KCTD16: variants seen among roughly 807,000 people sequenced by gnomAD.
The protein encoded by KCTD16 is BTB/POZ domain-containing protein KCTD16.
In KCTD16, 13 loss-of-function variants were observed where a neutral mutation model predicts 33.2. The observed-to-expected ratio is 0.39, with a 90% confidence interval of 0.25 to 0.62. The LOEUF (loss-of-function observed/expected upper bound fraction) is 0.62, where lower values mean the gene tolerates loss of function less well. Ranked by LOEUF, KCTD16 falls within the 20% of genes least tolerant of loss-of-function variation. The pLI, the probability that KCTD16 is intolerant of heterozygous loss-of-function variation, is 0.50. For synonymous variants in KCTD16, 197 were observed against 195.3 expected, an observed-to-expected ratio of 1.01 and a Z score of -0.07; for missense variants, 441 against 525.1, an observed-to-expected ratio of 0.84 and a Z score of 1.57.
At chr5:144,364,360 A>G (rs1170017730) in intron 3 of KCTD16, among the ~76,000 whole-genome samples, 1 of 152,198 alleles carries the variant, frequency 6.6e-6, no homozygotes, top group African/African-American at 2.4e-5. Context: ...TTTTCTCTCT[A>G]CCTCAGTGAG....
intron 3 of KCTD16, among the ~76,000 whole-genome samples, chr5:144,344,443 G>A (rs1034861318): frequency 8.1e-5 from 12 of 148,632 alleles, no homozygotes; most frequent in East Asian, 3.9e-4. Context: ...GAAAATTTTC[G>A]CAACCTACTC....
At chr5:144,319,149 T>C (rs1752006742) in intron 3 of KCTD16, among the ~76,000 whole-genome samples, 1 of 152,058 alleles carries the variant, frequency 6.6e-6, no homozygotes, top group Admixed American at 6.6e-5. Context: ...AACTAAATTT[T>C]GTTATATGGT....
chr5:144,306,042 A>G lies in KCTD16; in HGVS notation c.832+98496A>G, dbSNP rs565456672. ...GATGGTCAGTGTAGCTCTTGGAGCA[A>G]TGAGGTTTGTTGTGAGCCAACCAGA... On this transcript the variant is annotated intron_variant, in intron 3 of 3. Transcript: ENST00000512467. 2.6e-5 allele frequency among the ~76,000 whole-genome samples: 4 copies of G among 152,136 alleles called. No homozygotes were observed. In the East Asian group the frequency reaches 5.8e-4, roughly 22 times the overall value.
At chr5:144,397,904 CATG>C (rs1351862584) in intron 3 of KCTD16, among the ~76,000 whole-genome samples, 5 of 152,156 alleles carry the variant, frequency 3.3e-5, no homozygotes, top group Non-Finnish European at 1.5e-5. Flanking sequence ...GTGAGAAGAA[CATG>C]TCTCAGATTC....
chr5:144,439,007 G>A (rs965371578), intron 3 of KCTD16, among the ~76,000 whole-genome samples: 1 of 151,328 alleles, frequency 6.6e-6, no homozygotes, highest in Admixed American at 6.6e-5. Flanking sequence ...TCTTGCACAT[G>A]TTCCTTCCTC....
At chr5:144,278,643 G>T (rs551381338) in intron 3 of KCTD16, among the ~76,000 whole-genome samples, 55 of 151,458 alleles carry the variant, frequency 3.6e-4, no homozygotes, top group African/African-American at 1.1e-3. Context: ...GACTACAGGC[G>T]CCCGCCACCG....
At chr5:144,449,102 T>C (rs547850086) in intron 3 of KCTD16, among the ~76,000 whole-genome samples, 5 of 152,064 alleles carry the variant, frequency 3.3e-5, no homozygotes, top group Non-Finnish European at 7.4e-5. Context: ...AATATCTATA[T>C]GTACATATAA....
At chr5:144,337,365 CA>C (rs1286789204) in intron 3 of KCTD16, among the ~76,000 whole-genome samples, 1 of 152,018 alleles carries the variant, frequency 6.6e-6, no homozygotes. Flanking sequence ...GTGAACGTGC[CA>C]ATTTCACAAG....
At chr5:144,428,986 TTG>T (rs1454607046) in intron 3 of KCTD16, among the ~76,000 whole-genome samples, 1 of 152,156 alleles carries the variant, frequency 6.6e-6, no homozygotes, top group Non-Finnish European at 1.5e-5. Flanking sequence ...CTTTTCAAGA[TTG>T]TGTGTTCTGC....
At chr5:144,223,044 A>C (rs1753810726) in intron 3 of KCTD16, among the ~76,000 whole-genome samples, 2 of 152,070 alleles carry the variant, frequency 1.3e-5, no homozygotes, top group Admixed American at 1.3e-4. Context: ...TCGCAAGGAC[A>C]AAAAAACCAA....
At chr5:144,248,362 T>C (rs1483808129) in intron 3 of KCTD16, among the ~76,000 whole-genome samples, 1 of 152,180 alleles carries the variant, frequency 6.6e-6, no homozygotes, top group East Asian at 1.9e-4. Flanking sequence ...CTCATGGGCA[T>C]GAGTGTTCAA....
intron 2 of KCTD16, among the ~76,000 whole-genome samples, chr5:144,189,940 C>A (rs1752808470): frequency 1.3e-5 from 2 of 152,134 alleles, no homozygotes; most frequent in Non-Finnish European, 2.9e-5. Flanking sequence ...GGCTGACAAC[C>A]CACAACCTGT....
chr5:144,313,662 CA>C lies in KCTD16; in HGVS notation c.832+106117del, dbSNP rs1472827572. On this transcript the variant is annotated intron_variant, in intron 3 of 3. Transcript: ENST00000512467. ...GTACTACTCTCCTCTGCTTATAAAC[CA>C]TGGGGTGATGTTTGCCTTCTTTACA... Among the ~76,000 whole-genome samples, 5 of 152,140 alleles carry C rather than the reference CA, an allele frequency of 3.3e-5. No homozygotes were observed. In the East Asian group the frequency reaches 9.6e-4, roughly 29 times the overall value.
intron 3 of KCTD16, among the ~76,000 whole-genome samples, chr5:144,269,300 C>G (rs1755231559): frequency 6.6e-6 from 1 of 151,910 alleles, no homozygotes; most frequent in Non-Finnish European, 1.5e-5. Flanking sequence ...ACATTATAAT[C>G]AGACTTTCAA....
At chr5:144,391,952 T>G (rs538562293) in intron 3 of KCTD16, among the ~76,000 whole-genome samples, 25 of 152,326 alleles carry the variant, frequency 1.6e-4, no homozygotes, top group African/African-American at 6.0e-4. Flanking sequence ...GTGCTATGTA[T>G]AAATCTATAG....
intron 3 of KCTD16, among the ~76,000 whole-genome samples, chr5:144,332,832 A>G (rs894971897): frequency 3.3e-5 from 5 of 152,194 alleles, no homozygotes; most frequent in African/African-American, 4.8e-5. Flanking sequence ...ATAAAGAACA[A>G]AAGGTTTAAT....
In KCTD16 at chr5:144,336,081, C is replaced by T. The variant is rs149734628; in HGVS notation, c.832+128535C>T. Among the ~76,000 whole-genome samples, 162 of 152,288 alleles carry T rather than the reference C, an allele frequency of 1.1e-3. 1 individual carries two copies. Among genetic ancestry groups the T allele is most frequent in the African/African-American group, 3.6e-3 (150 of 41,562 alleles). ...TTGCTGAAAAGGCCTTCCTGTGAGA[C>T]CACATGACTTTCCCACTGACAGAAG... is the stretch of plus-strand genomic sequence containing the variant. On this transcript the variant is annotated intron_variant, in intron 3 of 3. Coordinates refer to ENST00000512467, the MANE Select transcript of KCTD16 (RefSeq NM_020768.4).
intron 3 of KCTD16, among the ~76,000 whole-genome samples, chr5:144,364,706 A>G (rs1751793737): frequency 6.6e-6 from 1 of 152,218 alleles, no homozygotes; most frequent in African/African-American, 2.4e-5. Flanking sequence ...AAAAGTAGTA[A>G]CCAATAATGT....
intron 3 of KCTD16, among the ~76,000 whole-genome samples, chr5:144,265,406 G>A (rs557061967): frequency 1.3e-5 from 2 of 152,152 alleles, no homozygotes; most frequent in South Asian, 2.1e-4. Context: ...TGACTATACC[G>A]TCAATTGATT....
Sources: allele counts gnomAD v4.1 joint callset (sites outside exome capture counted in the v4.1 genomes callset), GRCh38; gene constraint gnomAD v4.1.1; transcripts MANE v1.5; gene names NCBI Gene and HGNC (gene_info 2026-07-23, HGNC 2026-07-21).